The following DCHS2 variants were observed in gnomAD, a reference collection of about 807,000 sequenced individuals.
DCHS2 encodes the protein dachsous cadherin-related 2.
In DCHS2, 142 loss-of-function variants were observed where a neutral mutation model predicts 182.4. The observed-to-expected ratio is 0.78, with a 90% confidence interval of 0.68 to 0.89. The LOEUF (loss-of-function observed/expected upper bound fraction) is 0.89. DCHS2 is among the 40% of genes least tolerant of loss of function. DCHS2 has a pLI of 0.00. For missense variants in DCHS2, 4,319 were observed against 4,198.6 expected, an observed-to-expected ratio of 1.03 and a Z score of -0.79; for synonymous variants, 1,740 against 1,663.3, an observed-to-expected ratio of 1.05 and a Z score of -1.12.
intron 5 of DCHS2, among the ~76,000 whole-genome samples, 185 bp downstream of exon 5, chr4:154,332,293 T>C (rs1303614490): frequency 6.6e-6 from 1 of 152,232 alleles, no homozygotes; most frequent in African/African-American, 2.4e-5. Context: ...AATAGAGTAA[T>C]CGAATACCTT....
At chr4:154,489,265 C>T (rs1439814856) in intron 1 of DCHS2, 39 bp downstream of exon 1, 3 of 1,446,396 alleles carry the variant, frequency 2.1e-6, no homozygotes, top group East Asian at 5.0e-5. Context: ...CCATCCCTTC[C>T]CAAGCCTTCA....
chr4:154,322,522 A>C, intron 7 of DCHS2, 34 bp from the exon 8 acceptor site: 1 of 1,566,648 alleles, frequency 6.4e-7, no homozygotes, highest in Non-Finnish European at 8.6e-7. Flanking sequence ...AATGAATGTT[A>C]ATTGACAATG....
At chr4:154,345,740 C>G (rs1729329704) in intron 3 of DCHS2, among the ~76,000 whole-genome samples, 1 of 152,192 alleles carries the variant, frequency 6.6e-6, no homozygotes, top group Admixed American at 6.5e-5. Flanking sequence ...CAAACAGGGT[C>G]TGGCACAGTC....
At chr4:154,323,084 C>A in intron 7 of DCHS2, 1 of 1,067,964 alleles carries the variant, frequency 9.4e-7, no homozygotes, top group South Asian at 1.9e-5. Flanking sequence ...CTCTATTTGT[C>A]CTTGCAATTT....
In DCHS2 at chr4:154,235,835, T is replaced by G; in HGVS notation, c.8817A>C (p.Arg2939Ser). ...NKTNGNIYLI[R>S]ALPLIKSQLN... ...GTTGACTTTTTATTAGGGGAAGGGC[T>G]CTAATCAAATAAATATTTCCATTGG... Residue 2939 changes from arginine (R) to serine (S), a missense_variant, in exon 20 of 20, where the codon AGA (arginine) becomes AGC (serine). Transcript: ENST00000357232. 6.2e-7 allele frequency: 1 copy of G among 1,614,046 alleles called. No individual in the cohort carries two copies. The highest frequency in any genetic ancestry group is 2.2e-5 in the East Asian group (1 of 44,854).
At chr4:154,388,489 A>G (rs1364795013) in intron 1 of DCHS2, among the ~76,000 whole-genome samples, 1 of 139,802 alleles carries the variant, frequency 7.2e-6, no homozygotes, top group Admixed American at 7.3e-5. Context: ...TCAAAAATAG[A>G]TGTAATTTTT....
chr4:154,318,689 T>C (rs1220074966), intron 9 of DCHS2, among the ~76,000 whole-genome samples: 1 of 151,918 alleles, frequency 6.6e-6, no homozygotes, highest in Non-Finnish European at 1.5e-5. Flanking sequence ...AAAACAATGA[T>C]GAAAGAAATT....
At chr4:154,263,587 A>G (rs1326836483) in intron 14 of DCHS2, among the ~76,000 whole-genome samples, 1 of 152,044 alleles carries the variant, frequency 6.6e-6, no homozygotes, top group Non-Finnish European at 1.5e-5. Context: ...TGTGGAAAAT[A>G]AGGTGAGAAC....
chr4:154,421,576 G>C (rs1733113371), intron 1 of DCHS2, among the ~76,000 whole-genome samples: 1 of 152,010 alleles, frequency 6.6e-6, no homozygotes, highest in Non-Finnish European at 1.5e-5. Context: ...TGTATTTTTA[G>C]TAGAGACAGG....
intron 13 of DCHS2, among the ~76,000 whole-genome samples, chr4:154,278,375 A>G (rs998465381): frequency 2.6e-5 from 4 of 152,090 alleles, no homozygotes; most frequent in African/African-American, 4.8e-5. Flanking sequence ...CTCATGGGAC[A>G]TCATCAAGTG....
At chr4:154,342,566 A>T (rs1479659834) in intron 3 of DCHS2, among the ~76,000 whole-genome samples, 5 of 152,236 alleles carry the variant, frequency 3.3e-5, no homozygotes, top group African/African-American at 1.2e-4. Flanking sequence ...AACAATGTTC[A>T]CATCTTCCCC....
chr4:154,338,328 G>A (rs1329768140), intron 3 of DCHS2, among the ~76,000 whole-genome samples: 1 of 151,952 alleles, frequency 6.6e-6, no homozygotes, highest in Non-Finnish European at 1.5e-5. Flanking sequence ...TAAACAAAAT[G>A]GAAAATAACT....
chr4:154,415,922 T>C (rs1202233333), intron 1 of DCHS2, among the ~76,000 whole-genome samples: 5 of 152,078 alleles, frequency 3.3e-5, no homozygotes, highest in Non-Finnish European at 7.4e-5. Flanking sequence ...AATATTTTTA[T>C]CTTATATATT....
chr4:154,322,202 T>C, intron 8 of DCHS2, 129 bp downstream of exon 8: 1 of 1,303,900 alleles, frequency 7.7e-7, no homozygotes, highest in Non-Finnish European at 1.0e-6. Context: ...GCTCTCAAAA[T>C]AGTATTCATG....
At chr4:154,448,328 T>C (rs775973018) in intron 1 of DCHS2, among the ~76,000 whole-genome samples, 1 of 152,196 alleles carries the variant, frequency 6.6e-6, no homozygotes, top group Non-Finnish European at 1.5e-5. Flanking sequence ...CAGAACTCTA[T>C]ATCTCAGATG....
At chr4:154,391,401 T>C in intron 1 of DCHS2, 2 of 1,422,644 alleles carry the variant, frequency 1.4e-6, no homozygotes, top group African/African-American at 1.4e-5. Context: ...TCCATGACTT[T>C]CCACTTGCAG....
rs1326496431 is a variant in DCHS2 at position 154,266,874 on chromosome 4, TTCTCTGTAGATGAC to T, written c.6577+3012_6577+3025del. On this transcript the variant is annotated intron_variant, in intron 14 of 19. Coordinates refer to ENST00000357232, the MANE Select transcript of DCHS2 (RefSeq NM_001358235.2). ...CTTTAGTTTCTTCTTTGTCTTCCCT[TTCTCTGTAGATGAC>T]TCAAAAATTTCTTCCTCATTTATTA... Among the ~76,000 whole-genome samples, 3 of 152,206 alleles carry T rather than the reference TTCTCTGTAGATGAC, an allele frequency of 2.0e-5. No individual in the cohort carries two copies. The South Asian group carries it at 6.2e-4, about 32-fold the overall frequency.
chr4:154,327,774 C>T (rs1327616840), intron 7 of DCHS2, among the ~76,000 whole-genome samples: 1 of 152,042 alleles, frequency 6.6e-6, no homozygotes, highest in African/African-American at 2.4e-5. Flanking sequence ...AATTCTTATC[C>T]CCTAACTAAC....
Position 154,374,540 on chromosome 4 carries a change from T to C in DCHS2, c.2244+2713A>G, listed in dbSNP as rs115709678. Among the ~76,000 whole-genome samples the C allele has an allele frequency of 5.3e-3, 808 of 152,292 alleles. 5 individuals are homozygous for C. The highest frequency in any genetic ancestry group is 0.016 in the African/African-American group (683 of 41,552). ...TTTGTTTCCTACATATTTTCTTACA[T>C]AGAGTCAGGGATTCCTGAAACTACA... On this transcript the variant is annotated intron_variant, in intron 2 of 19. Transcript: ENST00000357232.
Sources: gnomAD v4.1 joint callset for allele counts (sites outside exome capture counted in the v4.1 genomes callset) on GRCh38, gnomAD v4.1.1 for gene constraint, MANE v1.5 for transcripts, NCBI Gene and HGNC (gene_info 2026-07-23, HGNC 2026-07-21) for gene names.